TBC1D21: variants seen among roughly 807,000 people sequenced by gnomAD.
TBC1D21 encodes the protein TBC1 domain family member 21.
A neutral mutation model predicts 46.0 loss-of-function variants in TBC1D21; 38 were observed. The ratio of observed to expected loss-of-function variants is 0.83; its 90% CI spans 0.64 to 1.08. TBC1D21 has a LOEUF of 1.08. TBC1D21 is among the 50% of genes least tolerant of loss of function. The probability of loss-of-function intolerance (pLI) is 0.00; values close to 1 mark genes in which losing one functional copy is unlikely to be tolerated. For synonymous variants in TBC1D21, 151 were observed against 157.2 expected (o/e 0.96, Z 0.29); for missense variants, 415 against 417.9 (o/e 0.99, Z 0.06).
At chr15:73,890,367 C>T (rs1473546562), downstream of TBC1D21, among the ~76,000 whole-genome samples, 1 of 152,216 alleles carries the variant, frequency 6.6e-6, no homozygotes, top group East Asian at 1.9e-4. Flanking sequence ...GGGCCTGTCC[C>T]CCCAGCAACA....
At position 73,886,559 on chromosome 15, in the gene TBC1D21, T is replaced by G. The variant is rs775653639; in HGVS notation, c.724T>G (p.Phe242Val). The G allele has an allele frequency of 2.5e-6, 4 of 1,613,768 alleles. No individual in the cohort carries two copies. Among genetic ancestry groups the G allele is most frequent in the Non-Finnish European group, 3.4e-6 (4 of 1,180,036 alleles). The change falls in exon 8 of 11, where the codon TTC (phenylalanine) becomes GTC (valine). Residue 242 changes from phenylalanine (F) to valine (V), a missense_variant. Physicochemically the swap from Phe to Val is conservative, Grantham distance 50 (BLOSUM62 -1). Transcript: ENST00000300504. ...GCAGTCCCTCTTCCCCTGGTTCTGC[T>G]TCTGCTTCCAGCGTGCCTTCAAGTC... is the stretch of plus-strand genomic sequence containing the variant. ...AVQSLFPWFC[F>V]CFQRAFKSFD...
chr15:73,903,684 C>T, the TBC1D21 span, among the ~76,000 whole-genome samples: 5 of 152,324 alleles, frequency 3.3e-5, no homozygotes, highest in South Asian at 2.1e-4. Context: ...CAGGCCCCTT[C>T]ACTCAGTATT....
At chr15:73,896,978 A>G in the TBC1D21 span, among the ~76,000 whole-genome samples, 1 of 152,208 alleles carries the variant, frequency 6.6e-6, no homozygotes, top group Non-Finnish European at 1.5e-5. Context: ...ATAGCCCATG[A>G]TAACTGGGCT....
the TBC1D21 span, among the ~76,000 whole-genome samples, chr15:73,896,476 G>T: frequency 1.3e-5 from 2 of 152,168 alleles, no homozygotes; most frequent in African/African-American, 4.8e-5. Context: ...ACCAGTATGA[G>T]ATGAGGGTAA....
intron 4 of TBC1D21, 48 bp downstream of exon 4, chr15:73,884,293 C>A: frequency 1.3e-6 from 2 of 1,524,024 alleles, no homozygotes; most frequent in South Asian, 1.1e-5. Context: ...GGGCTTGAAG[C>A]CAACCCTGCC....
At chr15:73,898,863 C>CA in the TBC1D21 span, among the ~76,000 whole-genome samples, 169 of 24,098 alleles carry the variant, frequency 7.0e-3, 6 homozygotes, top group Non-Finnish European at 0.011. Context: ...GACTCCATCT[C>CA]AAAAAAAAAA....
chr15:73,873,778 T>G lies in TBC1D21; in HGVS notation c.60+9T>G, dbSNP rs1358270450. On this transcript the variant is annotated intron_variant, in intron 1 of 10. Coordinates refer to ENST00000300504, the MANE Select transcript of TBC1D21 (RefSeq NM_153356.3). The stretch of plus-strand genomic sequence containing the variant: ...CAGCCTCCTTCATCCTGGTGCGTGT[T>G]CTTTGTCAGCTCTGAGTGCCTCCCT... 2 of 1,608,844 alleles carry G rather than the reference T, an allele frequency of 1.2e-6. No individual in the cohort carries two copies. Among genetic ancestry groups the G allele is most frequent in the Non-Finnish European group, 1.7e-6 (2 of 1,177,130 alleles).
intron 9 of TBC1D21, among the ~76,000 whole-genome samples, 193 bp downstream of exon 9, chr15:73,887,929 T>C (rs886444225): frequency 2.6e-5 from 4 of 152,160 alleles, no homozygotes; most frequent in African/African-American, 7.2e-5. Flanking sequence ...TGTTTAAGCC[T>C]CACCACAAGC....
At chr15:73,903,449 G>T in the TBC1D21 span, among the ~76,000 whole-genome samples, 1,745 of 152,300 alleles carry the variant, frequency 0.011, 23 homozygotes, top group African/African-American at 0.04. Context: ...TCCACAGGGG[G>T]CTGAACCTCA....
chr15:73,896,834 C>T, the TBC1D21 span, among the ~76,000 whole-genome samples: 4 of 152,206 alleles, frequency 2.6e-5, no homozygotes, highest in Non-Finnish European at 5.9e-5. Context: ...CCCATTAGTC[C>T]TCAGTTTCCC....
At chr15:73,875,945 G>A (rs1239606407) in intron 1 of TBC1D21, among the ~76,000 whole-genome samples, 2 of 152,206 alleles carry the variant, frequency 1.3e-5, no homozygotes, top group African/African-American at 4.8e-5. Flanking sequence ...AAGGAGCCCA[G>A]ATACACATTC....
chr15:73,892,607 A>G (rs2068345962), downstream of TBC1D21, among the ~76,000 whole-genome samples: 1 of 152,118 alleles, frequency 6.6e-6, no homozygotes, highest in African/African-American at 2.4e-5. Context: ...CCCTCCCACC[A>G]CAGCTGGCAT....
chr15:73,894,157 C>T (rs1225429473), downstream of TBC1D21, among the ~76,000 whole-genome samples: 1 of 152,210 alleles, frequency 6.6e-6, no homozygotes, highest in East Asian at 1.9e-4. Flanking sequence ...ACCCCAGGGC[C>T]CCACTGTTAT....
the TBC1D21 span, among the ~76,000 whole-genome samples, chr15:73,898,788 C>T: frequency 5.6e-5 from 8 of 143,780 alleles, no homozygotes; most frequent in Non-Finnish European, 9.0e-5. Flanking sequence ...CACTTGAACC[C>T]GGGAGGTGGA....
intron 1 of TBC1D21, among the ~76,000 whole-genome samples, chr15:73,880,769 G>A (rs1360733750): frequency 1.3e-5 from 2 of 152,068 alleles, no homozygotes; most frequent in African/African-American, 2.4e-5. Context: ...ACTCCGTCTC[G>A]AAAAATAAAA....
chr15:73,906,083 C>G, the TBC1D21 span, among the ~76,000 whole-genome samples: 1 of 152,304 alleles, frequency 6.6e-6, no homozygotes, highest in South Asian at 2.1e-4. Context: ...GCTTCAGTTT[C>G]ATGTCCCGTT....
intron 1 of TBC1D21, among the ~76,000 whole-genome samples, chr15:73,874,590 T>A (rs1178173142): frequency 1.3e-5 from 2 of 152,202 alleles, no homozygotes; most frequent in East Asian, 3.8e-4. Flanking sequence ...GCTTGTTAAG[T>A]GGCAGAAGTT....
At chr15:73,877,470 TA>T (rs994625349) in intron 1 of TBC1D21, among the ~76,000 whole-genome samples, 1 of 130,358 alleles carries the variant, frequency 7.7e-6, no homozygotes, top group Admixed American at 8.6e-5. Flanking sequence ...CCAAATATTT[TA>T]AAAAGAAATA....
chr15:73,894,028 C>T (rs1293584218), downstream of TBC1D21, among the ~76,000 whole-genome samples: 1 of 152,232 alleles, frequency 6.6e-6, no homozygotes, highest in Non-Finnish European at 1.5e-5. Flanking sequence ...ACCCTCATGA[C>T]TGAATTCAAA....
Sources: gnomAD v4.1 joint callset for allele counts (sites outside exome capture counted in the v4.1 genomes callset) on GRCh38, gnomAD v4.1.1 for gene constraint, MANE v1.5 for transcripts, NCBI Gene and HGNC (gene_info 2026-07-23, HGNC 2026-07-21) for gene names.